Variants in PHF2 observed in about 807,000 individuals in gnomAD.
PHF2 encodes lysine-specific demethylase PHF2.
Under a neutral mutation model 120.5 loss-of-function variants are expected in PHF2, and 27 were observed. The ratio of observed to expected loss-of-function variants is 0.22; its 90% CI spans 0.17 to 0.31. The LOEUF (loss-of-function observed/expected upper bound fraction) is 0.31. Ranked by LOEUF, PHF2 falls within the 10% of genes least tolerant of loss-of-function variation. PHF2 has a pLI of 1.00. For missense variants in PHF2, 1,024 were observed against 1,434.8 expected (o/e 0.71, Z 4.63); for synonymous variants, 568 against 592.5 (o/e 0.96, Z 0.60).
At chr9:93,662,755 G>A (rs1275043537) in intron 12 of PHF2, 152 bp from the exon 13 acceptor site, 21 of 787,154 alleles carry the variant, frequency 2.7e-5, no homozygotes, top group Non-Finnish European at 3.8e-5. Context: ...TGGGTACATC[G>A]ATGGGTGGGT....
intron 17 of PHF2, chr9:93,672,605 G>A (rs1826825979): frequency 1.0e-6 from 1 of 983,288 alleles, no homozygotes; most frequent in Non-Finnish European, 1.2e-6. Flanking sequence ...TGGAGGTGTG[G>A]GTATGGGTGT....
intron 18 of PHF2, 28 bp downstream of exon 18, chr9:93,673,890 G>A (rs1205623130): frequency 1.9e-6 from 3 of 1,547,658 alleles, no homozygotes; most frequent in South Asian, 1.2e-5. Flanking sequence ...GTGGGGCAGG[G>A]CCCATGCTCA....
intron 1 of PHF2, among the ~76,000 whole-genome samples, chr9:93,601,375 A>G (rs557307895): frequency 6.6e-6 from 1 of 152,210 alleles, no homozygotes; most frequent in Non-Finnish European, 1.5e-5. Context: ...CGGGCTTGAG[A>G]GGGAAGGAAT....
chr9:93,646,335 G>T (rs1298595266), intron 4 of PHF2, among the ~76,000 whole-genome samples: 2 of 152,246 alleles, frequency 1.3e-5, no homozygotes, highest in Admixed American at 6.5e-5. Context: ...AAGCACCTGT[G>T]GGGGTGCCGT....
chr9:93,661,949 A>C (rs1165050821), intron 12 of PHF2, among the ~76,000 whole-genome samples: 1 of 151,384 alleles, frequency 6.6e-6, no homozygotes, highest in Non-Finnish European at 1.5e-5. Context: ...GAATAAATGG[A>C]TAGATGAATG....
chr9:93,578,651 C>T (rs117640468), intron 1 of PHF2, among the ~76,000 whole-genome samples: 1,598 of 152,264 alleles, frequency 0.01, 20 homozygotes, highest in Middle Eastern at 0.014. Flanking sequence ...TTAGGGGACC[C>T]TCTGGGAAGG....
At position 93,655,953 on chromosome 9, in the gene PHF2, C is replaced by T; in HGVS notation, c.972C>T (p.Leu324=). The T allele has an allele frequency of 6.2e-7, 1 of 1,612,418 alleles. No individual in the cohort carries two copies. The highest frequency in any genetic ancestry group is 2.2e-5 in the East Asian group (1 of 44,832). The change falls in exon 8 of 22, where the codon CTC becomes CTT. Residue 324 remains leucine (L), a synonymous_variant. Transcript: ENST00000359246. The part of the protein sequence containing the change: ...FIPSGWIYAT[L]TPVDCLAFAG... ...TCCCAGGCTGGATCTACGCCACACT[C>T]ACCCCTGTGGACTGCCTGGCCTTCG...
At chr9:93,609,240 A>G (rs980552878) in intron 1 of PHF2, among the ~76,000 whole-genome samples, 2 of 152,032 alleles carry the variant, frequency 1.3e-5, no homozygotes, top group Non-Finnish European at 2.9e-5. Flanking sequence ...ACTTACTCAT[A>G]AACTGTAGTC....
chr9:93,660,079 T>C, intron 11 of PHF2, 113 bp from the exon 12 acceptor site: 5 of 1,337,098 alleles, frequency 3.7e-6, no homozygotes, highest in Non-Finnish European at 5.0e-6. Context: ...CTTTCTGGGC[T>C]GATAGTTCCC....
At chr9:93,584,000 G>A (rs1862983677) in intron 1 of PHF2, among the ~76,000 whole-genome samples, 1 of 151,828 alleles carries the variant, frequency 6.6e-6, no homozygotes, top group Admixed American at 6.6e-5. Context: ...GGCTAATTTT[G>A]CATTTTTAGT....
intron 17 of PHF2, among the ~76,000 whole-genome samples, chr9:93,667,515 T>C (rs759720742): frequency 1.3e-5 from 2 of 152,242 alleles, no homozygotes; most frequent in Non-Finnish European, 2.9e-5. Flanking sequence ...GTTGTTTTTT[T>C]CACGTGGAAA....
intron 20 of PHF2, among the ~76,000 whole-genome samples, chr9:93,676,075 G>A (rs1826905480): frequency 6.6e-6 from 1 of 152,212 alleles, no homozygotes; most frequent in South Asian, 2.1e-4. Context: ...GCAGCTTGGA[G>A]GGAGCTCCCC....
intron 1 of PHF2, among the ~76,000 whole-genome samples, chr9:93,612,000 A>G (rs1206902528): frequency 6.6e-6 from 1 of 152,190 alleles, no homozygotes; most frequent in Non-Finnish European, 1.5e-5. Flanking sequence ...TTTCCTGAAC[A>G]TTCTGATTAC....
intron 5 of PHF2, among the ~76,000 whole-genome samples, chr9:93,652,581 A>T (rs1363912695): frequency 4.6e-5 from 7 of 152,156 alleles, no homozygotes; most frequent in Non-Finnish European, 1.0e-4. Context: ...GTGAGCCACC[A>T]TGCCCAGCCT....
chr9:93,646,314 G>T (rs7038293), intron 4 of PHF2, among the ~76,000 whole-genome samples: 10,531 of 152,330 alleles, frequency 0.069, 431 homozygotes, highest in Non-Finnish European at 0.088. Flanking sequence ...GTGGGCACTT[G>T]TGGGTAGAGG....
At chr9:93,662,549 T>C (rs1321931163) in intron 12 of PHF2, among the ~76,000 whole-genome samples, 3 of 148,612 alleles carry the variant, frequency 2.0e-5, no homozygotes, top group East Asian at 2.0e-4. Flanking sequence ...GATGGATGGA[T>C]GGATGGATGG....
intron 1 of PHF2, among the ~76,000 whole-genome samples, chr9:93,619,447 T>A (rs1392922939): frequency 6.6e-6 from 1 of 152,216 alleles, no homozygotes; most frequent in Non-Finnish European, 1.5e-5. Flanking sequence ...GCATTCCAAG[T>A]GTCCTCAGGG....
chr9:93,621,489 G>A (rs1171361177), intron 1 of PHF2, among the ~76,000 whole-genome samples: 1 of 152,252 alleles, frequency 6.6e-6, no homozygotes. Flanking sequence ...GGGGTGGGTG[G>A]TGCTGGAAGG....
chr9:93,613,209 T>C (rs1187183630), intron 1 of PHF2, among the ~76,000 whole-genome samples: 2 of 152,224 alleles, frequency 1.3e-5, no homozygotes, highest in Non-Finnish European at 2.9e-5. Flanking sequence ...TGAGCAAATA[T>C]ATTCTAGAAA....
Sources: allele counts gnomAD v4.1 joint callset (sites outside exome capture counted in the v4.1 genomes callset), GRCh38; gene constraint gnomAD v4.1.1; transcripts MANE v1.5; gene names NCBI Gene and HGNC (gene_info 2026-07-23, HGNC 2026-07-21).